Variants in MSH3 observed in about 807,000 individuals in gnomAD.
MSH3 encodes the protein mutS homolog 3, also known as DNA mismatch repair protein Msh3.
A neutral mutation model predicts 123.3 loss-of-function variants in MSH3; 106 were observed. The ratio of observed to expected loss-of-function variants is 0.86; its 90% CI spans 0.73 to 1.01. The LOEUF (loss-of-function observed/expected upper bound fraction) is 1.01. Ranked by LOEUF, MSH3 falls within the 50% of genes least tolerant of loss-of-function variation. The pLI, the probability that MSH3 is intolerant of heterozygous loss-of-function variation, is 0.00. For missense variants in MSH3, 1,459 were observed against 1,347.6 expected (o/e 1.08, Z -1.29); for synonymous variants, 515 against 481.4 (o/e 1.07, Z -0.91).
Position 80,768,948 on chromosome 5 carries a change from T to A in MSH3, c.2198T>A (p.Ile733Lys). Residue 733 changes from isoleucine to lysine, a missense_variant, in exon 15 of 24, where the codon ATA (isoleucine) becomes AAA (lysine). By Grantham distance (102) the Ile-to-Lys change is moderately radical (BLOSUM62 -3). Transcript: ENST00000265081. The stretch of plus-strand genomic sequence containing the variant: ...GAGATCCGAATGCATTTGCAAGAAA[T>A]ACGAAAAATACTAAAAAATCCTTCT... ...IDEIRMHLQE[I>K]RKILKNPSAQ... is the part of the protein sequence containing the mutation. 1 of 1,613,052 alleles carries A rather than the reference T, an allele frequency of 6.2e-7. No individual in the cohort carries two copies. The highest frequency in any genetic ancestry group is 8.5e-7 in the Non-Finnish European group (1 of 1,179,320).
intron 20 of MSH3, among the ~76,000 whole-genome samples, chr5:80,829,682 T>G (rs1314161557): frequency 6.6e-6 from 1 of 152,236 alleles, no homozygotes; most frequent in Admixed American, 6.5e-5. Context: ...ATGAGAGATA[T>G]TGGCCTGTAG....
chr5:80,793,284 A>G (rs1160609666), intron 19 of MSH3, among the ~76,000 whole-genome samples: 1 of 152,226 alleles, frequency 6.6e-6, no homozygotes, highest in Non-Finnish European at 1.5e-5. Flanking sequence ...CTCTTACATA[A>G]CACAAATGAT....
At chr5:80,812,886 T>C (rs958450827) in intron 19 of MSH3, among the ~76,000 whole-genome samples, 6 of 152,134 alleles carry the variant, frequency 3.9e-5, no homozygotes, top group Admixed American at 3.9e-4. Flanking sequence ...CAGGGAGCTA[T>C]TGCCAAAATG....
chr5:80,865,978 A>G (rs1746091220), intron 22 of MSH3, among the ~76,000 whole-genome samples: 1 of 152,226 alleles, frequency 6.6e-6, no homozygotes, highest in African/African-American at 2.4e-5. Context: ...CAGGTTGACA[A>G]GAGGAGACTT....
rs1216499151 is a variant in MSH3, at chr5:80,823,685, TTTTTG to T, written c.2813+9969_2813+9973del. ...CCTGAACCCTACCTCCAGAAATCTT[TTTTTG>T]TTTTGTTTTGTTTTGTTTTGTTTTT... On this transcript the variant is annotated intron_variant, in intron 20 of 23. Coordinates refer to ENST00000265081, the MANE Select transcript of MSH3 (RefSeq NM_002439.5). 1.4e-4 allele frequency among the ~76,000 whole-genome samples: 21 copies of T among 152,330 alleles called. No homozygotes were observed. In the South Asian group the frequency reaches 1.9e-3, roughly 14 times the overall value.
Position 80,665,337 on chromosome 5 carries a change from G to A in MSH3, c.553G>A (p.Asp185Asn). 1.9e-6 allele frequency: 3 copies of A among 1,612,726 alleles called. No homozygotes were observed. The highest frequency in any genetic ancestry group is 2.5e-6 in the Non-Finnish European group (3 of 1,179,856). The change falls in exon 3 of 24, where the codon GAT becomes AAT. Residue 185 changes from aspartate (D) to asparagine (N), a missense_variant. Transcript: ENST00000265081. The part of the protein sequence containing the change: ...LHAKNAVSSE[D>N]SKRQINQKDT... The stretch of plus-strand genomic sequence containing the variant: ...CGCAAAGAATGCAGTTTCTTCTGAA[G>A]ATTCGAAACGTCAAATTAATCAAAA...
chr5:80,862,530 G>A (rs1468643322), intron 21 of MSH3, among the ~76,000 whole-genome samples: 1 of 152,140 alleles, frequency 6.6e-6, no homozygotes, highest in Non-Finnish European at 1.5e-5. Flanking sequence ...GGCCAAAGCA[G>A]GAGGACCCCT....
intron 12 of MSH3, among the ~76,000 whole-genome samples, chr5:80,755,299 C>G (rs1014711075): frequency 6.6e-6 from 1 of 152,200 alleles, no homozygotes; most frequent in Non-Finnish European, 1.5e-5. Context: ...CTGCTTTGTT[C>G]TTCAACATTC....
At chr5:80,771,115 G>C (rs1744206700) in intron 15 of MSH3, among the ~76,000 whole-genome samples, 1 of 152,054 alleles carries the variant, frequency 6.6e-6, no homozygotes, top group Admixed American at 6.6e-5. Context: ...TGCTTTCATA[G>C]AACCTTTTGA....
At chr5:80,719,110 C>T (rs192185533) in intron 8 of MSH3, among the ~76,000 whole-genome samples, 6 of 150,466 alleles carry the variant, frequency 4.0e-5, no homozygotes, top group South Asian at 2.1e-4. Flanking sequence ...TACAGTGGTG[C>T]GATCTCGGCT....
chr5:80,781,273 A>G (rs1409047639), intron 17 of MSH3, among the ~76,000 whole-genome samples: 2 of 152,066 alleles, frequency 1.3e-5, no homozygotes, highest in African/African-American at 4.8e-5. Flanking sequence ...TTCAGTCTTC[A>G]AGGACTCACA....
chr5:80,874,708 G>C (rs901426058), intron 23 of MSH3, among the ~76,000 whole-genome samples: 1 of 151,974 alleles, frequency 6.6e-6, no homozygotes, highest in Non-Finnish European at 1.5e-5. Context: ...ATGCAAGATA[G>C]CAATAAAATA....
intron 22 of MSH3, among the ~76,000 whole-genome samples, chr5:80,865,373 C>T (rs573902577): frequency 6.6e-6 from 1 of 152,062 alleles, no homozygotes; most frequent in Non-Finnish European, 1.5e-5. Flanking sequence ...CTGTACTGGA[C>T]ATAGGTTTTT....
rs1561486726 is a variant in MSH3, at chr5:80,813,680, A to G, written c.2752A>G (p.Ile918Val). ...TGCATTGATTACCATCATGGCTCAG[A>G]TTGGCTCCTATGTTCCTGCAGAAGA... ...QVALITIMAQ[I>V]GSYVPAEEAT... Residue 918 changes from isoleucine to valine, a missense_variant, in exon 20 of 24, where the codon ATT becomes GTT. Physicochemically the swap from Ile to Val is conservative, Grantham distance 29. Transcript: ENST00000265081. 1.2e-6 allele frequency: 2 copies of G among 1,614,148 alleles called. No individual in the cohort carries two copies. The highest frequency in any genetic ancestry group is 1.7e-6 in the Non-Finnish European group (2 of 1,180,012).
intron 20 of MSH3, among the ~76,000 whole-genome samples, chr5:80,837,973 A>G (rs1745546786): frequency 6.6e-6 from 1 of 152,232 alleles, no homozygotes; most frequent in African/African-American, 2.4e-5. Context: ...GACTGCTCTC[A>G]GCTCCTAGAG....
chr5:80,772,488 A>G (rs1744229770), intron 15 of MSH3, among the ~76,000 whole-genome samples: 1 of 152,120 alleles, frequency 6.6e-6, no homozygotes, highest in African/African-American at 2.4e-5. Flanking sequence ...TTGAATAACA[A>G]TATCTGGCAT....
intron 20 of MSH3, among the ~76,000 whole-genome samples, chr5:80,820,847 T>G (rs1745192667): frequency 6.6e-6 from 1 of 152,202 alleles, no homozygotes; most frequent in Non-Finnish European, 1.5e-5. Flanking sequence ...CTGACAACAC[T>G]CTGTGTACCA....
intron 2 of MSH3, among the ~76,000 whole-genome samples, chr5:80,663,184 G>T (rs1175685749): frequency 6.6e-6 from 1 of 152,190 alleles, no homozygotes; most frequent in Non-Finnish European, 1.5e-5. Context: ...GTTGGAAAAA[G>T]AAAATGTATT....
chr5:80,778,726 A>G lies in MSH3; in HGVS notation c.2325A>G (p.Lys775=), dbSNP rs2112007662. The G allele has an allele frequency of 6.2e-7, 1 of 1,600,376 alleles. No individual in the cohort carries two copies. The highest frequency in any genetic ancestry group is 8.6e-7 in the Non-Finnish European group (1 of 1,167,464). The change falls in exon 17 of 24, where the codon AAA becomes AAG. Residue 775 remains lysine, a synonymous_variant. Transcript: ENST00000265081. ...GTTCTTTCCCCTCTTCTAGCACAAAAGCTGTGAGCCGCTTTCACTCTCCTT... is the reference window on the plus strand; with the variant it reads ...GTTCTTTCCCCTCTTCTAGCACAAAGGCTGTGAGCCGCTTTCACTCTCCTT... ...PTDWVKVGST[K]AVSRFHSPFI...
Sources: gnomAD v4.1 joint callset for allele counts (sites outside exome capture counted in the v4.1 genomes callset) on GRCh38, gnomAD v4.1.1 for gene constraint, MANE v1.5 for transcripts, NCBI Gene and HGNC (gene_info 2026-07-23, HGNC 2026-07-21) for gene names.